Variants in CYTH4 observed in about 807,000 individuals in gnomAD.
CYTH4 encodes the protein cytohesin 4, also known as cytohesin-4.
In CYTH4, 22 loss-of-function variants were observed where a neutral mutation model predicts 57.5. That is an observed-to-expected ratio of 0.38 (90% CI 0.27 to 0.55). The LOEUF is 0.55. Ranked by LOEUF, CYTH4 falls within the 20% of genes least tolerant of loss-of-function variation. The probability of loss-of-function intolerance (pLI) is 0.74; values close to 1 mark genes in which losing one functional copy is unlikely to be tolerated. For synonymous variants in CYTH4, 186 were observed against 206.5 expected (o/e 0.90, Z 0.85); for missense variants, 420 against 535.6 (o/e 0.78, Z 2.13).
chr22:37,288,472 G>A (rs1928631800), intron 1 of CYTH4, among the ~76,000 whole-genome samples: 1 of 152,158 alleles, frequency 6.6e-6, no homozygotes, highest in Non-Finnish European at 1.5e-5. Context: ...TGTGATCCCA[G>A]CTACTGGGGA....
chr22:37,311,502 A>G lies in CYTH4; in HGVS notation c.932A>G (p.Gln311Arg). 1 of 1,614,064 alleles carries G rather than the reference A, an allele frequency of 6.2e-7. No homozygotes were observed. Among genetic ancestry groups the G allele is most frequent in the Non-Finnish European group, 8.5e-7 (1 of 1,180,012 alleles). ...ATACCTCTTGAGAACCTCTCGGTGC[A>G]GAAGGTGGATGACCCCAAGAAGCCA... is the stretch of plus-strand genomic sequence containing the variant. ...GIIPLENLSVQKVDDPKKPFC... is the reference protein window; with the variant it reads ...GIIPLENLSVRKVDDPKKPFC... Residue 311 changes from glutamine to arginine, a missense_variant, in exon 11 of 13, where the codon CAG (glutamine) becomes CGG (arginine). Gln to Arg is a conservative substitution (Grantham distance 43). Transcript: ENST00000248901. The surrounding 1 kb of genome is among the most constrained non-coding windows in gnomAD (Gnocchi z 4.4).
Position 37,294,663 on chromosome 22 carries a change from C to T in CYTH4, c.106C>T (p.Leu36=), listed in dbSNP as rs1016090642. ...TCCTGCCCCTGCCACCCCACAGAAG[C>T]TGAAGGATGAGATTGCAGATGTGTT... ...RKQLLEDIQK[L]KDEIADVFAQ... The change falls in exon 3 of 13, where the codon CTG becomes TTG. Residue 36 remains leucine (L), a synonymous_variant. Coordinates refer to ENST00000248901, the MANE Select transcript of CYTH4 (RefSeq NM_013385.5). The T allele has an allele frequency of 3.1e-6, 5 of 1,613,614 alleles. No homozygotes were observed. The African/African-American group carries it at 6.7e-5, about 22-fold the overall frequency.
Position 37,313,772 on chromosome 22 carries a change from G to A in CYTH4, c.*261G>A. 2.0e-6 allele frequency: 1 copy of A among 491,726 alleles called. No homozygotes were observed. The highest frequency in any genetic ancestry group is 3.6e-6 in the Non-Finnish European group (1 of 274,494). 30.5% of individuals were successfully genotyped at this position (491,726 alleles called of 1,614,324 possible). A position where few individuals can be genotyped will look rare whatever the true frequency, so the allele number is the denominator to read the frequency against. ...CCTGCCCTACGTGCACTACAGGAAG[G>A]GGTGAGGAGAGCAGCCAGAGGAAAA... On this transcript the variant is annotated 3_prime_UTR_variant, in exon 13 of 13. Transcript: ENST00000248901.
At chr22:37,291,369 A>G (rs1356645476) in intron 1 of CYTH4, among the ~76,000 whole-genome samples, 1 of 152,220 alleles carries the variant, frequency 6.6e-6, no homozygotes, top group Admixed American at 6.5e-5. Flanking sequence ...AAGGAGAAGT[A>G]GGGAAAGGGA....
intron 8 of CYTH4, among the ~76,000 whole-genome samples, chr22:37,307,186 G>A (rs1394499490): frequency 6.6e-6 from 1 of 152,234 alleles, no homozygotes; most frequent in East Asian, 1.9e-4. Flanking sequence ...TTTTCTTGCA[G>A]GAGAGGCTGG....
In CYTH4 at chr22:37,295,931, T is replaced by G; in HGVS notation, c.168-68T>G. ...GTATGGGCTCCTGCTGAGGCAAGGG[T>G]CCTTGGGGAGTGGAGAGGGTAATTC... On this transcript the variant is annotated intron_variant, in intron 3 of 12. Transcript: ENST00000248901. This position sits in a 1 kb window ranked among gnomAD's most constrained non-coding sequence, Gnocchi z 4.1. The G allele has an allele frequency of 6.5e-7, 1 of 1,528,182 alleles. No individual in the cohort carries two copies. Among genetic ancestry groups the G allele is most frequent in the Non-Finnish European group, 8.9e-7 (1 of 1,118,904 alleles). The allele number at this position is 1,528,182 out of a possible 1,614,324, so 94.7% of individuals were successfully genotyped here.
At chr22:37,305,859 G>A (rs986247884) in intron 8 of CYTH4, among the ~76,000 whole-genome samples, 1 of 152,226 alleles carries the variant, frequency 6.6e-6, no homozygotes, top group Non-Finnish European at 1.5e-5. Context: ...TGCGCAGCTG[G>A]GAAAGGCTGT....
At chr22:37,290,994 A>G (rs1389789787) in intron 1 of CYTH4, among the ~76,000 whole-genome samples, 1 of 152,108 alleles carries the variant, frequency 6.6e-6, no homozygotes. Flanking sequence ...CACAGCACCC[A>G]TTGCACACAT....
At chr22:37,297,721 G>GGTGTGCAGGT in intron 5 of CYTH4, 39 bp downstream of exon 5, 2 of 1,541,240 alleles carry the variant, frequency 1.3e-6, no homozygotes, top group South Asian at 1.1e-5. Flanking sequence ...AGGAAATGAA[G>GGTGTGCAGGT]GTGTGCAGGT....
intron 1 of CYTH4, among the ~76,000 whole-genome samples, chr22:37,285,862 C>T (rs1026779318): frequency 1.3e-5 from 2 of 152,118 alleles, no homozygotes; most frequent in Admixed American, 1.3e-4. Context: ...AAGCCCGGGG[C>T]CATCATCACC....
rs16998064 is a variant in CYTH4 at position 37,297,455 on chromosome 22, C to T, written c.235-109C>T. ...TTCCCAGAACAGACTGTGCCAACAC[C>T]AGAATGCCAGGCTCCAGGATTCTGG... is the stretch of plus-strand genomic sequence containing the variant. On this transcript the variant is annotated intron_variant, in intron 4 of 12. Transcript: ENST00000248901. 2,099 of 953,298 alleles carry T rather than the reference C, an allele frequency of 2.2e-3. 34 individuals are homozygous for T. The African/African-American group carries it at 0.03, about 14-fold the overall frequency. 59.1% of individuals were successfully genotyped at this position (953,298 alleles called of 1,614,324 possible).
intron 6 of CYTH4, 139 bp downstream of exon 6, chr22:37,299,445 C>A: frequency 1.3e-6 from 1 of 792,146 alleles, no homozygotes. Flanking sequence ...AGAATGACTT[C>A]ATGATAGTAC....
At position 37,311,438 on chromosome 22, in the gene CYTH4, C is replaced by G. The variant is rs1384870884; in HGVS notation, c.886-18C>G. 6.2e-7 allele frequency: 1 copy of G among 1,612,706 alleles called. No homozygotes were observed. Among genetic ancestry groups the G allele is most frequent in the Non-Finnish European group, 8.5e-7 (1 of 1,178,856 alleles). On this transcript the variant is annotated intron_variant, in intron 10 of 12. Coordinates refer to ENST00000248901, the MANE Select transcript of CYTH4 (RefSeq NM_013385.5). This position sits in a 1 kb window ranked among gnomAD's most constrained non-coding sequence, Gnocchi z 4.4. ...GTTCCGCTTCCTGACCCTGACCTTC[C>G]TTCCCCTTTCCCTGTAGGACAAGGA... is the stretch of plus-strand genomic sequence containing the variant.
rs187672538 is a variant in CYTH4, at chr22:37,313,397, C to T, written c.1113-42C>T. 368 of 1,595,110 alleles carry T rather than the reference C, an allele frequency of 2.3e-4. 1 individual carries two copies. In the African/African-American group the frequency reaches 4.0e-3, roughly 17 times the overall value. ...GCCCTGGGAGAGCAGACCACCTTGA[C>T]GGCCAGTCCAGCCCTGAAATCTCTC... On this transcript the variant is annotated intron_variant, in intron 12 of 12. Coordinates refer to ENST00000248901, the MANE Select transcript of CYTH4 (RefSeq NM_013385.5).
At chr22:37,304,142 A>T in intron 8 of CYTH4, 1 of 456,560 alleles carries the variant, frequency 2.2e-6, no homozygotes, top group Non-Finnish European at 4.4e-6. Context: ...GTCTTCACAG[A>T]GGAGGTGACT....
At chr22:37,287,586 C>A (rs1424649783) in intron 1 of CYTH4, among the ~76,000 whole-genome samples, 2 of 152,140 alleles carry the variant, frequency 1.3e-5, no homozygotes, top group Middle Eastern at 3.5e-3. Flanking sequence ...AGTTCCGGAG[C>A]CAGCTTCCAG....
intron 8 of CYTH4, among the ~76,000 whole-genome samples, chr22:37,308,634 G>A (rs982633804): frequency 2.6e-5 from 4 of 152,066 alleles, no homozygotes; most frequent in Non-Finnish European, 4.4e-5. Context: ...GCATGTCTGT[G>A]TGAGTATGCA....
At chr22:37,312,200 G>T (rs544435585) in intron 12 of CYTH4, 26 bp downstream of exon 12, 2 of 1,605,868 alleles carry the variant, frequency 1.2e-6, no homozygotes, top group East Asian at 4.5e-5. Flanking sequence ...GTCTGGGGAC[G>T]GCTTCCCGTC....
At chr22:37,302,816 G>C (rs1013150394) in intron 7 of CYTH4, among the ~76,000 whole-genome samples, 1 of 152,216 alleles carries the variant, frequency 6.6e-6, no homozygotes, top group Non-Finnish European at 1.5e-5. Context: ...ACGCCAGCAA[G>C]ATTACAGAGC....
Sources: allele counts gnomAD v4.1 joint callset (sites outside exome capture counted in the v4.1 genomes callset), GRCh38; gene constraint gnomAD v4.1.1; non-coding constraint Gnocchi (gnomAD v3.1); transcripts MANE v1.5; gene names NCBI Gene and HGNC (gene_info 2026-07-23, HGNC 2026-07-21).